Variants in SUPT3H observed in about 807,000 individuals in gnomAD.
The protein encoded by SUPT3H is transcription initiation protein SPT3 homolog.
Under a neutral mutation model 44.3 loss-of-function variants are expected in SUPT3H, and 44 were observed. The observed-to-expected ratio is 0.99, with a 90% CI of 0.78 to 1.28. SUPT3H has a LOEUF of 1.28. Among genes scored for constraint, SUPT3H ranks in the 50% most tolerant of loss-of-function variants. The pLI is 0.00. For missense variants in SUPT3H, 380 were observed against 387.1 expected (o/e 0.98, Z 0.15); for synonymous variants, 124 against 125.6 (o/e 0.99, Z 0.09).
At chr6:45,171,847 A>G (rs1336178921) in intron 2 of SUPT3H, among the ~76,000 whole-genome samples, 2 of 146,648 alleles carry the variant, frequency 1.4e-5, no homozygotes, top group Non-Finnish European at 3.0e-5. Context: ...CCTCCTAAGT[A>G]GCTGGGACTA....
At chr6:45,300,064 A>G (rs539008075) in intron 2 of SUPT3H, among the ~76,000 whole-genome samples, 4 of 152,330 alleles carry the variant, frequency 2.6e-5, no homozygotes, top group African/African-American at 9.6e-5. Flanking sequence ...AGCCCCAATT[A>G]TCTTTTCTTA....
At chr6:45,155,734 T>C (rs1374235820) in intron 2 of SUPT3H, among the ~76,000 whole-genome samples, 3 of 151,976 alleles carry the variant, frequency 2.0e-5, no homozygotes, top group Non-Finnish European at 2.9e-5. Context: ...TACATAATTA[T>C]AGATAAATAA....
rs1003048991 is a variant in SUPT3H, at chr6:45,095,185, T to C, written c.186+10737A>G. On this transcript the variant is annotated intron_variant, in intron 3 of 10. Transcript: ENST00000371459. This position sits in a 1 kb window ranked among gnomAD's most constrained non-coding sequence, Gnocchi z 4.1. ...TAGCAAGAAGACTGTTTCCATCCTA[T>C]GATTCATTAGGTCCCCATGGTACCT... Among the ~76,000 whole-genome samples the C allele has an allele frequency of 4.6e-5, 7 of 152,188 alleles. No individual in the cohort carries two copies. The highest frequency in any genetic ancestry group is 1.4e-4 in the African/African-American group (6 of 41,448).
chr6:45,141,498 GAAAAA>G (rs542997352), intron 2 of SUPT3H, among the ~76,000 whole-genome samples: 2 of 150,610 alleles, frequency 1.3e-5, no homozygotes, highest in African/African-American at 4.9e-5. Context: ...GTACAGAAAA[GAAAAA>G]AAATCATTAA....
chr6:44,927,568 T>C (rs981588516), intron 10 of SUPT3H, among the ~76,000 whole-genome samples: 3 of 152,224 alleles, frequency 2.0e-5, no homozygotes, highest in Non-Finnish European at 4.4e-5. Context: ...GTTCTTTAGA[T>C]TTCTGTTCCA....
rs1581856025 is a variant in SUPT3H at position 44,829,684 on chromosome 6, T to G, written c.*132A>C. 4.8e-5 allele frequency: 47 copies of G among 983,828 alleles called. No homozygotes were observed. The East Asian group carries it at 1.2e-3, about 25-fold the overall frequency. 60.9% of individuals were successfully genotyped at this position (983,828 alleles called of 1,614,324 possible). ...TGGAAAAGAGGAGGAGTCAGCAAGTTGAAAGTCACAACAGACCAGCCCACT... is the reference window on the plus strand; with the variant it reads ...TGGAAAAGAGGAGGAGTCAGCAAGTGGAAAGTCACAACAGACCAGCCCACT... On this transcript the variant is annotated 3_prime_UTR_variant, in exon 11 of 11. Transcript: ENST00000371459.
At chr6:45,215,192 T>C (rs1764837512) in intron 2 of SUPT3H, among the ~76,000 whole-genome samples, 1 of 151,902 alleles carries the variant, frequency 6.6e-6, no homozygotes, top group African/African-American at 2.4e-5. Context: ...GCAGGAAAAA[T>C]GTTATCCCTA....
rs35656937 is a variant in SUPT3H at position 44,928,882 on chromosome 6, CAAAAAAA to C, written c.912+3764_912+3770del. Among the ~76,000 whole-genome samples, 12 of 20,646 alleles carry C rather than the reference CAAAAAAA, an allele frequency of 5.8e-4. 1 individual carries two copies. Among genetic ancestry groups the C allele is most frequent in the Admixed American group, 1.3e-3 (2 of 1,586 alleles). 13.5% of individuals were successfully genotyped at this position (20,646 alleles called of 152,430 possible). A position where few individuals can be genotyped will look rare whatever the true frequency, so the allele number is the denominator to read the frequency against. ...TGGGCGACAGAACGAGACTCCGTCT[CAAAAAAA>C]AAAAAAAAAAAAAAAGAAAAGAAAA... On this transcript the variant is annotated intron_variant, in intron 10 of 10. Transcript: ENST00000371459.
At chr6:45,016,435 T>C (rs967254474) in intron 4 of SUPT3H, among the ~76,000 whole-genome samples, 4 of 151,384 alleles carry the variant, frequency 2.6e-5, no homozygotes, top group Non-Finnish European at 5.9e-5. Context: ...CATGCTGGTG[T>C]GCTGCACCCA....
intron 2 of SUPT3H, among the ~76,000 whole-genome samples, chr6:45,225,770 T>A (rs922833531): frequency 6.6e-6 from 1 of 152,170 alleles, no homozygotes; most frequent in African/African-American, 2.4e-5. Flanking sequence ...CTCATCACAT[T>A]ATTAAATACA....
intron 3 of SUPT3H, among the ~76,000 whole-genome samples, chr6:45,058,399 C>T (rs1016641547): frequency 2.0e-5 from 3 of 152,064 alleles, no homozygotes; most frequent in Non-Finnish European, 4.4e-5. Context: ...TTTATACATT[C>T]AACAAATATA....
At chr6:45,020,936 A>G (rs1583101704) in intron 3 of SUPT3H, among the ~76,000 whole-genome samples, 1 of 151,974 alleles carries the variant, frequency 6.6e-6, no homozygotes, top group South Asian at 2.1e-4. Context: ...AAATGATTTC[A>G]TGAAATTTTA....
intron 10 of SUPT3H, among the ~76,000 whole-genome samples, chr6:44,872,411 G>A: frequency 7.8e-6 from 1 of 128,562 alleles, no homozygotes; most frequent in Non-Finnish European, 1.7e-5. Flanking sequence ...CTTCATAAGT[G>A]AAGGAGAAAT....
chr6:45,220,657 T>C lies in SUPT3H; in HGVS notation c.102-114651A>G, dbSNP rs140750224. 3.8e-4 allele frequency among the ~76,000 whole-genome samples: 58 copies of C among 152,290 alleles called. No individual in the cohort carries two copies. In the East Asian group the frequency reaches 0.011, roughly 28 times the overall value. ...TAACTGTTCCTACTTGCTAATGACA[T>C]TACTGTCTGCATAGAAAATCACAAA... On this transcript the variant is annotated intron_variant, in intron 2 of 10. Transcript: ENST00000371459.
chr6:45,134,656 C>T (rs866677827), intron 2 of SUPT3H, among the ~76,000 whole-genome samples: 5 of 152,086 alleles, frequency 3.3e-5, no homozygotes, highest in Non-Finnish European at 7.4e-5. Flanking sequence ...ATTCTCATTT[C>T]CAAAGAGAGA....
intron 3 of SUPT3H, among the ~76,000 whole-genome samples, chr6:45,040,495 C>CG (rs1788366829): frequency 6.6e-6 from 1 of 152,132 alleles, no homozygotes; most frequent in Non-Finnish European, 1.5e-5. Flanking sequence ...AGACAGCATT[C>CG]GGAAATGTTG....
At chr6:45,367,278 G>A (rs1005865496) in intron 1 of SUPT3H, among the ~76,000 whole-genome samples, 2 of 152,066 alleles carry the variant, frequency 1.3e-5, no homozygotes, top group East Asian at 1.9e-4. Context: ...AAACAAAAAC[G>A]TTCCACTTAA....
intron 2 of SUPT3H, among the ~76,000 whole-genome samples, chr6:45,341,220 G>A (rs972961778): frequency 1.3e-5 from 2 of 152,158 alleles, no homozygotes; most frequent in African/African-American, 4.8e-5. Context: ...CTCTGGCAGA[G>A]GGTAGGAATA....
intron 2 of SUPT3H, among the ~76,000 whole-genome samples, chr6:45,315,511 C>T (rs1049382407): frequency 3.3e-5 from 5 of 152,036 alleles, no homozygotes; most frequent in African/African-American, 1.2e-4. Flanking sequence ...AAATGGCCAA[C>T]AAACACATGA....
Sources: gnomAD v4.1 joint callset for allele counts (sites outside exome capture counted in the v4.1 genomes callset) on GRCh38, gnomAD v4.1.1 for gene constraint, Gnocchi (gnomAD v3.1) non-coding constraint, MANE v1.5 for transcripts, NCBI Gene and HGNC (gene_info 2026-07-23, HGNC 2026-07-21) for gene names.